CDK19: variants seen among roughly 807,000 people sequenced by gnomAD.
CDK19 encodes cyclin dependent kinase 19.
CDK19 carries 20 observed loss-of-function variants against 68.3 expected under a neutral mutation model. The ratio of observed to expected loss-of-function variants is 0.29; its 90% confidence interval spans 0.21 to 0.43. The LOEUF is 0.43. CDK19 is among the 20% of genes least tolerant of loss of function. The pLI is 1.00. For missense variants in CDK19, 339 were observed against 623.5 expected (o/e 0.54, Z 4.86); for synonymous variants, 221 against 222.8 (o/e 0.99, Z 0.07).
At chr6:110,788,356 T>C (rs543537282) in intron 1 of CDK19, among the ~76,000 whole-genome samples, 24 of 151,832 alleles carry the variant, frequency 1.6e-4, no homozygotes, top group African/African-American at 5.6e-4. Flanking sequence ...CAGGGTCCCA[T>C]TATGTTGCCT....
Position 110,776,109 on chromosome 6 carries a change from G to A in CDK19, c.129-29908C>T, listed in dbSNP as rs553486789. 3.3e-5 allele frequency among the ~76,000 whole-genome samples: 5 copies of A among 152,262 alleles called. No homozygotes were observed. In the East Asian group the frequency reaches 7.7e-4, roughly 23 times the overall value. ...GCCAGTGCATTCTATTTAAATTAGC[G>A]ACTTAACAAAAGCTGTTAACTAAGA... is the stretch of plus-strand genomic sequence containing the variant. On this transcript the variant is annotated intron_variant, in intron 1 of 12. Coordinates refer to ENST00000368911, the MANE Select transcript of CDK19 (RefSeq NM_015076.5).
At chr6:110,641,402 G>T (rs1220153975) in intron 4 of CDK19, among the ~76,000 whole-genome samples, 6 of 151,768 alleles carry the variant, frequency 4.0e-5, no homozygotes, top group African/African-American at 1.5e-4. Context: ...TTCAAGACCG[G>T]CCTGGTCAAC....
chr6:110,705,933 A>G (rs1037607472), intron 2 of CDK19, among the ~76,000 whole-genome samples: 10 of 152,170 alleles, frequency 6.6e-5, no homozygotes, highest in African/African-American at 2.4e-4. Flanking sequence ...CCACCATGGC[A>G]CATGTATACC....
intron 2 of CDK19, among the ~76,000 whole-genome samples, chr6:110,679,578 C>T (rs1455168317): frequency 6.6e-6 from 1 of 152,144 alleles, no homozygotes; most frequent in Non-Finnish European, 1.5e-5. Flanking sequence ...CACCATTGCA[C>T]TCCAGCCTGA....
chr6:110,763,986 A>T (rs1179412807), intron 1 of CDK19, among the ~76,000 whole-genome samples: 1 of 152,204 alleles, frequency 6.6e-6, no homozygotes, highest in East Asian at 1.9e-4. Context: ...GGAAATTACA[A>T]ATACAATACC....
intron 1 of CDK19, among the ~76,000 whole-genome samples, chr6:110,749,054 ACT>A (rs1778272076): frequency 6.6e-6 from 1 of 152,206 alleles, no homozygotes; most frequent in African/African-American, 2.4e-5. Context: ...CTTCAGAGAA[ACT>A]GTTTTCTACA....
intron 4 of CDK19, among the ~76,000 whole-genome samples, chr6:110,664,100 C>T (rs1168908101): frequency 6.6e-6 from 1 of 152,164 alleles, no homozygotes; most frequent in Non-Finnish European, 1.5e-5. Context: ...TAGGCTCCAA[C>T]CCATATCTTC....
intron 5 of CDK19, among the ~76,000 whole-genome samples, chr6:110,637,797 T>A (rs1483521705): frequency 9.2e-5 from 14 of 152,130 alleles, no homozygotes; most frequent in Non-Finnish European, 4.4e-5. Context: ...CTGGCCAACA[T>A]GGTGAAACCC....
chr6:110,728,189 A>G lies in CDK19; in HGVS notation c.204+17937T>C, dbSNP rs9386943. ...TGTAATCCTAGCTACTCAGGAGGCTAAGGCAGCAGAATTGCTTGAACCTGG... is the reference window on the plus strand; with the variant it reads ...TGTAATCCTAGCTACTCAGGAGGCTGAGGCAGCAGAATTGCTTGAACCTGG... On this transcript the variant is annotated intron_variant, in intron 2 of 12. Transcript: ENST00000368911. Among the ~76,000 whole-genome samples the G allele has an allele frequency of 0.022, 3,270 of 151,758 alleles. 355 individuals carry two copies. In the East Asian group the frequency reaches 0.35, roughly 16 times the overall value.
intron 2 of CDK19, among the ~76,000 whole-genome samples, chr6:110,699,244 G>A (rs977344677): frequency 1.3e-4 from 20 of 151,848 alleles, no homozygotes; most frequent in Non-Finnish European, 2.6e-4. Flanking sequence ...CGACAACATG[G>A]TGAAACCCTG....
At chr6:110,633,617 G>A (rs1779583609) in intron 5 of CDK19, among the ~76,000 whole-genome samples, 1 of 151,048 alleles carries the variant, frequency 6.6e-6, no homozygotes, top group African/African-American at 2.5e-5. Context: ...GTATATAAAA[G>A]TAATAAAAAA....
At chr6:110,741,753 C>A (rs1562250477) in intron 2 of CDK19, among the ~76,000 whole-genome samples, 1 of 151,986 alleles carries the variant, frequency 6.6e-6, no homozygotes. Flanking sequence ...GCAGAGATGA[C>A]ACAGTCAAAG....
At chr6:110,763,420 T>TG (rs1779359614) in intron 1 of CDK19, among the ~76,000 whole-genome samples, 1 of 148,898 alleles carries the variant, frequency 6.7e-6, no homozygotes, top group South Asian at 2.1e-4. Context: ...TTATGTTTTT[T>TG]TTTTTTTTTT....
intron 2 of CDK19, among the ~76,000 whole-genome samples, chr6:110,734,520 G>GCTCGCTCGCTCTCTCTCTCT (rs991736850): frequency 2.3e-5 from 2 of 85,734 alleles, no homozygotes; most frequent in Non-Finnish European, 4.7e-5. Context: ...GGTGAGCACT[G>GCTCGCTCGCTCTCTCTCTCT]CTCTCTCTCT....
intron 1 of CDK19, among the ~76,000 whole-genome samples, chr6:110,756,351 T>C (rs1173775672): frequency 1.3e-5 from 2 of 151,464 alleles, no homozygotes; most frequent in African/African-American, 2.4e-5. Flanking sequence ...GATTGCACCA[T>C]TGTATTCCAG....
At chr6:110,693,183 C>A (rs932574007) in intron 2 of CDK19, among the ~76,000 whole-genome samples, 1 of 152,144 alleles carries the variant, frequency 6.6e-6, no homozygotes, top group African/African-American at 2.4e-5. Context: ...CTCCAAGAAC[C>A]ACTCACTGCA....
intron 1 of CDK19, among the ~76,000 whole-genome samples, chr6:110,807,373 T>C (rs1428219851): frequency 6.6e-6 from 1 of 152,038 alleles, no homozygotes; most frequent in Non-Finnish European, 1.5e-5. Context: ...AAGAAAATCC[T>C]CTTAAAGGAC....
chr6:110,703,980 T>C (rs1774225436), intron 2 of CDK19, among the ~76,000 whole-genome samples: 1 of 152,154 alleles, frequency 6.6e-6, no homozygotes, highest in Non-Finnish European at 1.5e-5. Context: ...GTCACCAAAA[T>C]AATAAATTTT....
chr6:110,781,232 G>C (rs1375155540), intron 1 of CDK19, among the ~76,000 whole-genome samples: 2 of 152,118 alleles, frequency 1.3e-5, no homozygotes, highest in Non-Finnish European at 2.9e-5. Flanking sequence ...TTTCAATCAC[G>C]GCACAAGGGG....
Sources: gnomAD v4.1 joint callset for allele counts (sites outside exome capture counted in the v4.1 genomes callset) on GRCh38, gnomAD v4.1.1 for gene constraint, MANE v1.5 for transcripts, NCBI Gene and HGNC (gene_info 2026-07-23, HGNC 2026-07-21) for gene names.